Variants in NLGN3 observed in about 807,000 individuals in gnomAD.
NLGN3 encodes neuroligin 3.
A neutral mutation model predicts 42.9 loss-of-function variants in NLGN3; 11 were observed. The observed-to-expected ratio is 0.26, with a 90% CI of 0.16 to 0.42. NLGN3 has a LOEUF of 0.42. NLGN3 is among the 10% of genes least tolerant of loss of function. The probability of loss-of-function intolerance (pLI) is 1.00; values close to 1 mark genes in which losing one functional copy is unlikely to be tolerated. For missense variants in NLGN3, 374 were observed against 733.8 expected, an observed-to-expected ratio of 0.51 and a Z score of 5.67; for synonymous variants, 279 against 312.7, an observed-to-expected ratio of 0.89 and a Z score of 1.14.
chrX:71,146,145 TCTCTCTCTCA>T (rs1174700092), intron 1 of NLGN3, among the ~76,000 whole-genome samples: 2 of 40,800 alleles, frequency 4.9e-5, no homozygotes, highest in African/African-American at 2.6e-4. Flanking sequence ...TCTCTCTCTC[TCTCTCTCTCA>T]CACACACACA....
intron 1 of NLGN3, among the ~76,000 whole-genome samples, chrX:71,146,153 T>TCACACACACACA (rs752225810): frequency 4.6e-4 from 12 of 26,341 alleles, no homozygotes; most frequent in Admixed American, 1.0e-3. Context: ...TCTCTCTCTC[T>TCACACACACACA]CACACACACA....
chrX:71,166,741 G>A lies in NLGN3; in HGVS notation c.914-270G>A, dbSNP rs775406915. On this transcript the variant is annotated intron_variant, in intron 6 of 7. Coordinates refer to ENST00000358741, the MANE Select transcript of NLGN3 (RefSeq NM_181303.2). Reference sequence around the variant, plus strand: ...AGAGAGGCGGCATAAGGGGGCTGATGTCTGGGATTCAAGGGGTTAATTCTT... The same window carrying A: ...AGAGAGGCGGCATAAGGGGGCTGATATCTGGGATTCAAGGGGTTAATTCTT... Among the ~76,000 whole-genome samples, 9 of 111,997 alleles carry A rather than the reference G, an allele frequency of 8.0e-5. No individual in the cohort carries two copies. In the South Asian group the frequency reaches 3.4e-3, roughly 42 times the overall value.
Position 71,170,639 on chromosome X carries a change from G to A in NLGN3, c.*542G>A. ...GAGTGCTAAGAGCCTCTGGAAGGGA[G>A]GGCTTCAGGCCCGAAGGTCTCTCTG... On this transcript the variant is annotated 3_prime_UTR_variant, in exon 8 of 8. Transcript: ENST00000358741. 1 of 773,247 alleles carries A rather than the reference G, an allele frequency of 1.3e-6. No homozygotes were observed. Among genetic ancestry groups the A allele is most frequent in the Non-Finnish European group, 1.5e-6 (1 of 650,240 alleles). 63.7% of individuals were successfully genotyped at this position (773,247 alleles called of 1,213,427 possible). A position where few individuals can be genotyped will look rare whatever the true frequency, so the allele number is the denominator to read the frequency against.
rs947292119 is a variant in NLGN3 at position 71,147,661 on chromosome X, C to A, written c.-89C>A. The A allele has an allele frequency of 1.7e-5, 14 of 810,882 alleles. No homozygotes were observed. The highest frequency in any genetic ancestry group is 2.5e-5 in the Non-Finnish European group (14 of 556,582). 66.8% of individuals were successfully genotyped at this position (810,882 alleles called of 1,213,427 possible). A position where few individuals can be genotyped will look rare whatever the true frequency, so the allele number is the denominator to read the frequency against. On this transcript the variant is annotated 5_prime_UTR_variant, in exon 2 of 8. Transcript: ENST00000358741. The stretch of plus-strand genomic sequence containing the variant: ...CCCTCGAGAGCTCAGTTTTGAGGTT[C>A]AAGTCAGTGTGGCCATGAAGGGGCT...
At position 71,170,170 on chromosome X, in the gene NLGN3, C is replaced by A. The variant is rs1220788109; in HGVS notation, c.*73C>A. On this transcript the variant is annotated 3_prime_UTR_variant, in exon 8 of 8. Coordinates refer to ENST00000358741, the MANE Select transcript of NLGN3 (RefSeq NM_181303.2). ...CCAGGAACACATGCACACACACACA[C>A]ACACACACGCAGACACACACACACA... The A allele has an allele frequency of 4.6e-5, 55 of 1,190,286 alleles. No homozygotes were observed. The highest frequency in any genetic ancestry group is 6.1e-5 in the Non-Finnish European group (54 of 889,578).
intron 1 of NLGN3, among the ~76,000 whole-genome samples, chrX:71,146,168 C>G (rs867328385): frequency 2.0e-5 from 1 of 49,012 alleles, no homozygotes; most frequent in Non-Finnish European, 3.2e-5. Context: ...CACACACACA[C>G]ACAGACACAC....
rs2092377244 is a variant in NLGN3 at position 71,148,030 on chromosome X, C to T, written c.281C>T (p.Ser94Leu). The change falls in exon 2 of 8, where the codon TCG becomes TTG. Residue 94 changes from serine to leucine, a missense_variant. This residue lies in a region of NLGN3 where 109 missense variants were observed against 173.3 expected (regional missense o/e 0.63). Transcript: ENST00000358741. Reference sequence around the variant, plus strand: ...CCCCCTGAACCACCCCCATCCTGGTCGGGCATCCGGAACGCCACACACTTT... The same window carrying T: ...CCCCCTGAACCACCCCCATCCTGGTTGGGCATCCGGAACGCCACACACTTT... ...FLPPEPPPSW[S>L]GIRNATHFPP... 1.7e-6 allele frequency: 2 copies of T among 1,209,483 alleles called. No individual in the cohort carries two copies. Among genetic ancestry groups the T allele is most frequent in the African/African-American group, 1.7e-5 (1 of 57,509 alleles).
chrX:71,151,612 C>T (rs757649311), intron 3 of NLGN3, among the ~76,000 whole-genome samples: 5 of 112,132 alleles, frequency 4.5e-5, no homozygotes, highest in South Asian at 3.7e-4. Context: ...AGAGGCATGG[C>T]GGCTAGGAGC....
In NLGN3 at chrX:71,164,250, C is replaced by A; in HGVS notation, c.835C>A (p.Pro279Thr). 3 of 1,212,327 alleles carry A rather than the reference C, an allele frequency of 2.5e-6. No individual in the cohort carries two copies. Among genetic ancestry groups the A allele is most frequent in the Non-Finnish European group, 3.4e-6 (3 of 895,498 alleles). Residue 279 changes from proline to threonine, a missense_variant, in exon 6 of 8, where the codon CCC becomes ACC. Physicochemically the swap from Pro to Thr is conservative, Grantham distance 38. Transcript: ENST00000358741. Reference sequence around the variant, plus strand: ...GAATATTGCCTTCTTCGGGGGAGACCCCCGCCGGATCACTGTCTTTGGCTC... The same window carrying A: ...GAATATTGCCTTCTTCGGGGGAGACACCCGCCGGATCACTGTCTTTGGCTC... ...SENIAFFGGDPRRITVFGSGI... is the reference protein window; with the variant it reads ...SENIAFFGGDTRRITVFGSGI...
At chrX:71,163,722 C>CA (rs1306856834) in intron 5 of NLGN3, among the ~76,000 whole-genome samples, 1 of 112,212 alleles carries the variant, frequency 8.9e-6, no homozygotes, top group African/African-American at 3.2e-5. Flanking sequence ...CCCAAGGCTA[C>CA]ATGACTAAGA....
At chrX:71,155,502 G>A in intron 5 of NLGN3, 139 bp downstream of exon 5, 1 of 797,019 alleles carries the variant, frequency 1.3e-6, no homozygotes, top group Non-Finnish European at 1.9e-6. Context: ...GTTATCCTCT[G>A]GCCCCTACCC....
intron 6 of NLGN3, among the ~76,000 whole-genome samples, 191 bp from the exon 7 acceptor site, chrX:71,166,820 G>A (rs2092448782): frequency 8.9e-6 from 1 of 111,877 alleles, no homozygotes. Flanking sequence ...GACAGGGAAG[G>A]GATGGTGGAA....
At chrX:71,159,776 G>A (rs764507354) in intron 5 of NLGN3, among the ~76,000 whole-genome samples, 3 of 107,715 alleles carry the variant, frequency 2.8e-5, no homozygotes, top group African/African-American at 1.0e-4. Context: ...CCAGGCTGGA[G>A]TGCAGTGGCA....
chrX:71,167,246 T>A lies in NLGN3; in HGVS notation c.1149T>A (p.Ile383=). The A allele has an allele frequency of 8.3e-7, 1 of 1,211,614 alleles. No individual in the cohort carries two copies. Among genetic ancestry groups the A allele is most frequent in the Non-Finnish European group, 1.1e-6 (1 of 895,320 alleles). ...GCCCTGTGATTGATGGTGATGTCAT[T>A]CCTGATGACCCTGAGATCCTCATGG... ...AFGPVIDGDV[I]PDDPEILMEQ... is the part of the protein sequence containing the mutation. The change falls in exon 7 of 8, where the codon ATT becomes ATA. Residue 383 remains isoleucine, a synonymous_variant. Coordinates refer to ENST00000358741, the MANE Select transcript of NLGN3 (RefSeq NM_181303.2).
chrX:71,169,705 C>T lies in NLGN3; in HGVS notation c.2155C>T (p.Leu719=), dbSNP rs1484016559. ...CACCATCGCCGTGGGGGCCTCCCTC[C>T]TGTTCCTTAACGTTCTGGCCTTCGC... ...SVTIAVGASL[L]FLNVLAFAAL... Residue 719 remains leucine, a synonymous_variant, in exon 8 of 8, where the codon CTG becomes TTG. Coordinates refer to ENST00000358741, the MANE Select transcript of NLGN3 (RefSeq NM_181303.2). 6 of 1,210,555 alleles carry T rather than the reference C, an allele frequency of 5.0e-6. No homozygotes were observed. The highest frequency in any genetic ancestry group is 3.5e-5 in the African/African-American group (2 of 57,371).
chrX:71,173,757 C>T (rs1447165055), downstream of NLGN3, among the ~76,000 whole-genome samples: 2 of 112,283 alleles, frequency 1.8e-5, no homozygotes, highest in African/African-American at 3.2e-5. Flanking sequence ...ATAGAAGACA[C>T]CTATTTTGGG....
intron 1 of NLGN3, 76 bp from the exon 2 acceptor site, chrX:71,147,474 C>T (rs917396158): frequency 1.7e-5 from 7 of 424,082 alleles, no homozygotes; most frequent in Non-Finnish European, 2.9e-5. Context: ...AGCCCAAGCC[C>T]AGCAGGGCCC....
At chrX:71,164,953 A>C (rs1399824508) in intron 6 of NLGN3, among the ~76,000 whole-genome samples, 1 of 110,600 alleles carries the variant, frequency 9.0e-6, no homozygotes, top group African/African-American at 3.3e-5. Context: ...CTTCCAAGAG[A>C]GCAGAATAGG....
In NLGN3 at chrX:71,169,942, C is replaced by T. The variant is rs1445089858; in HGVS notation, c.2392C>T (p.Arg798Cys). ...GCCCGACTACACCCTGACCCTGCGG[C>T]GCTCCCCGGATGACATCCCACTCAT... is the stretch of plus-strand genomic sequence containing the variant. ...ALPDYTLTLR[R>C]SPDDIPLMTP... is the part of the protein sequence containing the mutation. The change falls in exon 8 of 8, where the codon CGC becomes TGC. Residue 798 changes from arginine (R) to cysteine (C), a missense_variant. Physicochemically the swap from Arg to Cys is radical, Grantham distance 180. Coordinates refer to ENST00000358741, the MANE Select transcript of NLGN3 (RefSeq NM_181303.2). 5 of 1,204,784 alleles carry T rather than the reference C, an allele frequency of 4.2e-6. No individual in the cohort carries two copies. Among genetic ancestry groups the T allele is most frequent in the East Asian group, 3.0e-5 (1 of 33,330 alleles).
Sources: allele counts gnomAD v4.1 joint callset (sites outside exome capture counted in the v4.1 genomes callset), GRCh38; gene constraint gnomAD v4.1.1; regional missense constraint gnomAD v4.1.1; transcripts MANE v1.5; gene names NCBI Gene and HGNC (gene_info 2026-07-23, HGNC 2026-07-21).